Variants in SEMA4B observed in about 807,000 individuals in gnomAD.
The protein encoded by SEMA4B is semaphorin 4B.
A neutral mutation model predicts 88.1 loss-of-function variants in SEMA4B; 55 were observed. That is an observed-to-expected ratio of 0.62 (90% CI 0.50 to 0.78). The LOEUF (loss-of-function observed/expected upper bound fraction) is 0.78. Ranked by LOEUF, SEMA4B falls within the 30% of genes least tolerant of loss-of-function variation. The probability of loss-of-function intolerance (pLI) is 0.00; values close to 1 mark genes in which losing one functional copy is unlikely to be tolerated. For missense variants in SEMA4B, 1,062 were observed against 1,111.9 expected, an observed-to-expected ratio of 0.96 and a Z score of 0.64; for synonymous variants, 525 against 473.6, an observed-to-expected ratio of 1.11 and a Z score of -1.41.
intron 1 of SEMA4B, among the ~76,000 whole-genome samples, chr15:90,213,428 C>T (rs1244921534): frequency 6.6e-6 from 1 of 152,288 alleles, no homozygotes; most frequent in Non-Finnish European, 1.5e-5. Context: ...ATTCCCCTTT[C>T]TGTCCCTTTG....
intron 4 of SEMA4B, among the ~76,000 whole-genome samples, chr15:90,220,407 G>GC (rs1961760205): frequency 7.8e-6 from 1 of 127,562 alleles, no homozygotes; most frequent in African/African-American, 3.1e-5. Flanking sequence ...TCGCTCTGTC[G>GC]CCCAGGCTGG....
rs1160050056 is a variant in SEMA4B, at chr15:90,229,085, C to G, written c.*442C>G. 8.5e-6 allele frequency: 3 copies of G among 354,844 alleles called. No homozygotes were observed. The highest frequency in any genetic ancestry group is 1.7e-5 in the Non-Finnish European group (3 of 179,940). 22.0% of individuals were successfully genotyped at this position (354,844 alleles called of 1,614,324 possible). On this transcript the variant is annotated 3_prime_UTR_variant, in exon 14 of 14. Transcript: ENST00000411539. Reference sequence around the variant, plus strand: ...AACCCTCACCAACTGGCCTCTTCACCTTCCACATTATCCCGCTGCCACCGG... The same window carrying G: ...AACCCTCACCAACTGGCCTCTTCACGTTCCACATTATCCCGCTGCCACCGG...
Position 90,201,693 on chromosome 15 carries a change from C to A in SEMA4B, c.115C>A (p.Pro39Thr). The change falls in exon 1 of 14, where the codon CCT becomes ACT. Residue 39 changes from proline (P) to threonine (T), a missense_variant. Coordinates refer to ENST00000411539, the MANE Select transcript of SEMA4B (RefSeq NM_198925.4). ...LLLLLLLQPP[P>T]PTWALSPRIS... The stretch of plus-strand genomic sequence containing the variant: ...GCTGCTGCTCCTGCTGCAGCCGCCG[C>A]CTCCGACCTGGGCGCTCAGCCCCCG... 6.6e-7 allele frequency: 1 copy of A among 1,506,690 alleles called. No homozygotes were observed. The highest frequency in any genetic ancestry group is 8.8e-7 in the Non-Finnish European group (1 of 1,133,854). 93.3% of individuals were successfully genotyped at this position (1,506,690 alleles called of 1,614,324 possible).
In SEMA4B at chr15:90,226,263, A is replaced by T. The variant is rs1321674390; in HGVS notation, c.1688+436A>T. ...CATCCCACCACCTAGAGAGAATCGCAGTGAGATTTTGATATATTATCCTCT... is the reference window on the plus strand; with the variant it reads ...CATCCCACCACCTAGAGAGAATCGCTGTGAGATTTTGATATATTATCCTCT... On this transcript the variant is annotated intron_variant, in intron 12 of 13. Transcript: ENST00000411539. Among the ~76,000 whole-genome samples, 4 of 152,238 alleles carry T rather than the reference A, an allele frequency of 2.6e-5. 1 individual carries two copies. The highest frequency in any genetic ancestry group is 5.9e-5 in the Non-Finnish European group (4 of 68,042).
In SEMA4B at chr15:90,212,817, G is replaced by T. The variant is rs146641717; in HGVS notation, c.158-4622G>T. On this transcript the variant is annotated intron_variant, in intron 1 of 13. Coordinates refer to ENST00000411539, the MANE Select transcript of SEMA4B (RefSeq NM_198925.4). This position sits in a 1 kb window ranked among gnomAD's most constrained non-coding sequence, Gnocchi z 4.0. Reference sequence around the variant, plus strand: ...ACGAGCCTGTGACACGCAAGTCTCTGTTTCTGAGCTGATGCCGTCTGGCTT... The same window carrying T: ...ACGAGCCTGTGACACGCAAGTCTCTTTTTCTGAGCTGATGCCGTCTGGCTT... Among the ~76,000 whole-genome samples the T allele has an allele frequency of 2.2e-4, 34 of 152,346 alleles. No homozygotes were observed. Among genetic ancestry groups the T allele is most frequent in the African/African-American group, 7.9e-4 (33 of 41,580 alleles).
At chr15:90,225,242 G>A in intron 10 of SEMA4B, 40 bp from the exon 11 acceptor site, 2 of 1,554,354 alleles carry the variant, frequency 1.3e-6, no homozygotes, top group Non-Finnish European at 8.7e-7. Flanking sequence ...GTCATGGGCA[G>A]TGGGCTCCAC....
At position 90,223,632 on chromosome 15, in the gene SEMA4B, G is replaced by A. The variant is rs776403318; in HGVS notation, c.935G>A (p.Arg312Gln). 3.7e-5 allele frequency: 60 copies of A among 1,613,454 alleles called. No individual in the cohort carries two copies. Among genetic ancestry groups the A allele is most frequent in the Non-Finnish European group, 4.6e-5 (54 of 1,179,800 alleles). ...CTCAAGGCCCAGCTGCTGTGCTCAC[G>A]GCCCGACGATGGCTTCCCCTTCAAC... ...SFLKAQLLCS[R>Q]PDDGFPFNVL... Residue 312 changes from arginine (R) to glutamine (Q), a missense_variant, in exon 8 of 14, where the codon CGG becomes CAG. Physicochemically the swap from Arg to Gln is conservative, Grantham distance 43 (BLOSUM62 1). Transcript: ENST00000411539.
chr15:90,228,517 G>A lies in SEMA4B; in HGVS notation c.2388G>A (p.Gly796=), dbSNP rs1278383711. 2 of 1,611,758 alleles carry A rather than the reference G, an allele frequency of 1.2e-6. No individual in the cohort carries two copies. The highest frequency in any genetic ancestry group is 1.3e-5 in the African/African-American group (1 of 74,882). Residue 796 remains glycine (G), a synonymous_variant, in exon 14 of 14, where the codon GGG becomes GGA. Coordinates refer to ENST00000411539, the MANE Select transcript of SEMA4B (RefSeq NM_198925.4). ...AGTCCCTGTCAGACAGCCCCCCGGGGTCCCGAGTCTTCACTGAGTCAGAGA... is the reference window on the plus strand; with the variant it reads ...AGTCCCTGTCAGACAGCCCCCCGGGATCCCGAGTCTTCACTGAGTCAGAGA... ...GYQSLSDSPP[G]SRVFTESEKR...
At chr15:90,222,512 G>A (rs1258561470) in intron 7 of SEMA4B, among the ~76,000 whole-genome samples, 2 of 151,882 alleles carry the variant, frequency 1.3e-5, no homozygotes, top group African/African-American at 2.4e-5. Context: ...GGAGGTTGCA[G>A]TGAGCCGAGA....
intron 1 of SEMA4B, among the ~76,000 whole-genome samples, chr15:90,214,355 C>G (rs1961424954): frequency 7.0e-6 from 1 of 141,964 alleles, no homozygotes; most frequent in African/African-American, 2.7e-5. Context: ...AAGGGCTGAG[C>G]TGCTGGGCGT....
At chr15:90,219,940 T>C (rs1008818553) in intron 4 of SEMA4B, 49 bp downstream of exon 4, 1 of 1,403,858 alleles carries the variant, frequency 7.1e-7, no homozygotes, top group Non-Finnish European at 1.0e-6. Context: ...ACTGCCCCTC[T>C]TTCTGCCCCA....
At chr15:90,210,072 T>C (rs1346321070) in intron 1 of SEMA4B, among the ~76,000 whole-genome samples, 1 of 152,132 alleles carries the variant, frequency 6.6e-6, no homozygotes, top group African/African-American at 2.4e-5. Flanking sequence ...GGTGCCAGGC[T>C]CAGGACTGCG....
chr15:90,228,968 G>A lies in SEMA4B; in HGVS notation c.*325G>A, dbSNP rs1044246. 127,499 of 433,076 alleles carry A rather than the reference G, an allele frequency of 0.29. 22,092 individuals carry two copies. The highest frequency in any genetic ancestry group is 0.67 in the East Asian group (13,344 of 19,912). 26.8% of individuals were successfully genotyped at this position (433,076 alleles called of 1,614,324 possible). On this transcript the variant is annotated 3_prime_UTR_variant, in exon 14 of 14. Coordinates refer to ENST00000411539, the MANE Select transcript of SEMA4B (RefSeq NM_198925.4). ...AAACTAGAATGAGAGGGAAGAGATAGCATGGCATGCAGCACACACGGCTGC... is the reference window on the plus strand; with the variant it reads ...AAACTAGAATGAGAGGGAAGAGATAACATGGCATGCAGCACACACGGCTGC...
intron 1 of SEMA4B, among the ~76,000 whole-genome samples, chr15:90,194,052 A>G (rs564454881): frequency 1.3e-5 from 2 of 151,870 alleles, no homozygotes; most frequent in South Asian, 2.1e-4. Context: ...GCGTTTCATC[A>G]TGTTGGCCAG....
Position 90,221,620 on chromosome 15 carries a change from C to T in SEMA4B, c.716C>T (p.Ala239Val), listed in dbSNP as rs778286923. ...CCTGACCTGGTCCCTACAGACCCAG[C>T]TTTTGTGGCCTCAGCCTACATTCCT... ...ESSLNWLQDP[A>V]FVASAYIPES... The change falls in exon 7 of 14, where the codon GCT (alanine) becomes GTT (valine). Residue 239 changes from alanine (A) to valine (V), a missense_variant. Coordinates refer to ENST00000411539, the MANE Select transcript of SEMA4B (RefSeq NM_198925.4). 9.3e-6 allele frequency: 15 copies of T among 1,613,916 alleles called. No individual in the cohort carries two copies. The highest frequency in any genetic ancestry group is 1.3e-5 in the Non-Finnish European group (15 of 1,179,896).
rs764697028 is a variant in SEMA4B, at chr15:90,225,203, T to C, written c.1405+25T>C. On this transcript the variant is annotated intron_variant, in intron 10 of 13. Transcript: ENST00000411539. ...GGTAAGTGTCTGCAGCCCAGCAGGCTCAGGGGAAGGGGTGCACGTGGCTGG... is the reference window on the plus strand; with the variant it reads ...GGTAAGTGTCTGCAGCCCAGCAGGCCCAGGGGAAGGGGTGCACGTGGCTGG... 1.9e-6 allele frequency: 3 copies of C among 1,570,682 alleles called. No individual in the cohort carries two copies. The South Asian group carries it at 3.5e-5, about 18-fold the overall frequency.
intron 1 of SEMA4B, among the ~76,000 whole-genome samples, chr15:90,216,066 G>T (rs961618967): frequency 3.3e-5 from 5 of 150,088 alleles, no homozygotes; most frequent in Non-Finnish European, 5.9e-5. Flanking sequence ...TCAGCTCACC[G>T]CAACCTCTGC....
chr15:90,214,633 C>CAAAAA (rs766089827), intron 1 of SEMA4B, among the ~76,000 whole-genome samples: 5 of 94,256 alleles, frequency 5.3e-5, no homozygotes, highest in African/African-American at 1.3e-4. Flanking sequence ...AACACCATCT[C>CAAAAA]AAAAAAAAAA....
At chr15:90,207,756 T>C (rs1325249215) in intron 1 of SEMA4B, among the ~76,000 whole-genome samples, 2 of 152,208 alleles carry the variant, frequency 1.3e-5, no homozygotes, top group African/African-American at 2.4e-5. Flanking sequence ...AAGAAATCTG[T>C]TGAGGTCAGT....
Sources: allele counts gnomAD v4.1 joint callset (sites outside exome capture counted in the v4.1 genomes callset), GRCh38; gene constraint gnomAD v4.1.1; non-coding constraint Gnocchi (gnomAD v3.1); transcripts MANE v1.5; gene names NCBI Gene and HGNC (gene_info 2026-07-23, HGNC 2026-07-21).